LOC400499: variants seen among roughly 807,000 people sequenced by gnomAD.
At chr16:11,469,455 G>C in the LOC400499 span, 1 of 399,022 alleles carries the variant, frequency 2.5e-6, no homozygotes, top group Non-Finnish European at 4.4e-6. Context: ...GCCCTGCCCC[G>C]GGTGTGGCAC....
At chr16:11,451,401 G>A in the LOC400499 span, among the ~76,000 whole-genome samples, 37 of 152,216 alleles carry the variant, frequency 2.4e-4, no homozygotes, top group Non-Finnish European at 4.6e-4. Context: ...GCAACAAAGC[G>A]AGACCCCATC....
the LOC400499 span, among the ~76,000 whole-genome samples, chr16:11,451,847 C>T: frequency 1.3e-5 from 2 of 152,194 alleles, no homozygotes; most frequent in South Asian, 2.1e-4. Context: ...AAGGAGGAGC[C>T]GCGGAGTTGA....
the LOC400499 span, among the ~76,000 whole-genome samples, chr16:11,408,863 G>A: frequency 6.6e-6 from 1 of 151,970 alleles, no homozygotes; most frequent in Admixed American, 6.6e-5. Context: ...GATGGATAGA[G>A]AGCTATGTGA....
the LOC400499 span, among the ~76,000 whole-genome samples, chr16:11,507,193 G>A: frequency 6.6e-6 from 1 of 152,178 alleles, no homozygotes; most frequent in African/African-American, 2.4e-5. Flanking sequence ...ATGAGGTTCG[G>A]CAGTGCAACG....
At chr16:11,527,098 G>C in the LOC400499 span, among the ~76,000 whole-genome samples, 3 of 152,220 alleles carry the variant, frequency 2.0e-5, no homozygotes, top group African/African-American at 7.2e-5. Context: ...ACGCGCAGCA[G>C]TTTTACTTAC....
chr16:11,440,747 C>T, the LOC400499 span: 46 of 399,058 alleles, frequency 1.2e-4, no homozygotes, highest in Middle Eastern at 6.3e-4. Context: ...TTGTGATTGA[C>T]GGCAGCTCGT....
the LOC400499 span, among the ~76,000 whole-genome samples, chr16:11,486,264 T>C: frequency 1.7e-5 from 1 of 60,274 alleles, no homozygotes; most frequent in Non-Finnish European, 3.0e-5. Context: ...AATAGATGGA[T>C]GGATGGAGGG....
the LOC400499 span, among the ~76,000 whole-genome samples, chr16:11,466,176 G>C: frequency 3.3e-5 from 5 of 152,192 alleles, no homozygotes; most frequent in South Asian, 6.2e-4. Flanking sequence ...TGTGTGCATA[G>C]ATCATCTCAG....
At chr16:11,449,357 C>T in the LOC400499 span, among the ~76,000 whole-genome samples, 3 of 152,340 alleles carry the variant, frequency 2.0e-5, no homozygotes, top group Non-Finnish European at 2.9e-5. Flanking sequence ...TTCTCCTCTT[C>T]AGTTTGGGGA....
At chr16:11,518,706 G>A in the LOC400499 span, among the ~76,000 whole-genome samples, 1 of 152,136 alleles carries the variant, frequency 6.6e-6, no homozygotes, top group African/African-American at 2.4e-5. Context: ...GCTTGACAAG[G>A]TCAAAACAAA....
chr16:11,471,871 G>A, the LOC400499 span: 54 of 398,962 alleles, frequency 1.4e-4, no homozygotes, highest in Non-Finnish European at 2.3e-4. Flanking sequence ...AGAGGGCTCT[G>A]GGCATGGGTG....
At chr16:11,414,085 CAGA>C in the LOC400499 span, among the ~76,000 whole-genome samples, 1 of 152,186 alleles carries the variant, frequency 6.6e-6, no homozygotes, top group Non-Finnish European at 1.5e-5. Flanking sequence ...GATTGCAGGG[CAGA>C]AGGACGCAGG....
At chr16:11,485,743 C>T in the LOC400499 span, among the ~76,000 whole-genome samples, 1 of 152,068 alleles carries the variant, frequency 6.6e-6, no homozygotes, top group Non-Finnish European at 1.5e-5. Flanking sequence ...TCCCTTTTTC[C>T]ATCCAGACAT....
chr16:11,390,151 T>C, the LOC400499 span: 7 of 1,232,300 alleles, frequency 5.7e-6, no homozygotes, highest in South Asian at 2.9e-4. Context: ...CAGAGCCTCT[T>C]CAGTGCCCGT....
chr16:11,523,010 T>G, the LOC400499 span, among the ~76,000 whole-genome samples: 1 of 152,212 alleles, frequency 6.6e-6, no homozygotes, highest in Admixed American at 6.5e-5. Flanking sequence ...GACATTTTCA[T>G]GTCAATTTCC....
chr16:11,515,554 C>A, the LOC400499 span, among the ~76,000 whole-genome samples: 1 of 150,298 alleles, frequency 6.7e-6, no homozygotes, highest in South Asian at 2.1e-4. Context: ...AATAAAATTT[C>A]TTGAAGGAAA....
chr16:11,415,679 G>T, the LOC400499 span, among the ~76,000 whole-genome samples: 8 of 152,198 alleles, frequency 5.3e-5, no homozygotes, highest in Non-Finnish European at 7.3e-5. Flanking sequence ...ACGACAGGCA[G>T]AGCATCCCCA....
chr16:11,414,685 G>A, the LOC400499 span: 19 of 397,088 alleles, frequency 4.8e-5, no homozygotes, highest in African/African-American at 8.2e-5. Flanking sequence ...TTGAGCCTCC[G>A]TGACATCATC....
chr16:11,459,844 C>T, the LOC400499 span: 5 of 1,263,638 alleles, frequency 4.0e-6, no homozygotes, highest in Non-Finnish European at 5.0e-6. Context: ...CCAGCTCCTA[C>T]CGTCCATGCT....
Sources: allele counts gnomAD v4.1 joint callset (sites outside exome capture counted in the v4.1 genomes callset), GRCh38; gene constraint gnomAD v4.1.1; transcripts MANE v1.5.